The following CLDN2 variants were observed in gnomAD, a reference collection of about 807,000 sequenced individuals.
The protein encoded by CLDN2 is claudin-2.
Under a neutral mutation model 8.2 loss-of-function variants are expected in CLDN2, and 1 was observed. That is an observed-to-expected ratio of 0.12 (90% CI 0.04 to 0.58). CLDN2 has a LOEUF of 0.58. CLDN2 is among the 20% of genes least tolerant of loss of function. The probability of loss-of-function intolerance (pLI) is 0.90; values close to 1 mark genes in which losing one functional copy is unlikely to be tolerated. For missense variants in CLDN2, 108 were observed against 172.9 expected, an observed-to-expected ratio of 0.62 and a Z score of 2.11; for synonymous variants, 70 against 70.2, an observed-to-expected ratio of 1.00 and a Z score of 0.01.
intron 1 of CLDN2, chrX:106,903,216 T>A (rs1280002045): frequency 1.7e-6 from 2 of 1,209,493 alleles, no homozygotes; most frequent in African/African-American, 3.5e-5. Context: ...GGGCTTGTGC[T>A]AGGTCTGGAG....
intron 1 of CLDN2, among the ~76,000 whole-genome samples, chrX:106,910,512 C>A (rs1933235875): frequency 9.1e-6 from 1 of 109,515 alleles, no homozygotes; most frequent in East Asian, 2.9e-4. Flanking sequence ...GTTCAAGACC[C>A]TCCCGGTCAA....
intron 1 of CLDN2, among the ~76,000 whole-genome samples, chrX:106,902,731 G>T (rs1391570709): frequency 8.9e-6 from 1 of 111,965 alleles, no homozygotes; most frequent in African/African-American, 3.2e-5. Context: ...AAATCTTATG[G>T]CGTGGTCAGG....
intron 1 of CLDN2, chrX:106,903,246 T>A (rs1386599406): frequency 8.3e-7 from 1 of 1,209,757 alleles, no homozygotes; most frequent in Non-Finnish European, 1.1e-6. Flanking sequence ...AAGCCAGGGC[T>A]GGAACAGGGG....
chrX:106,926,787 TCACACACACACA>T (rs60711565), intron 1 of CLDN2, among the ~76,000 whole-genome samples: 2 of 2,111 alleles, frequency 9.5e-4, no homozygotes, highest in Non-Finnish European at 2.7e-3. Flanking sequence ...GGCAGGAGGA[TCACACACACACA>T]CACACACACA....
At chrX:106,918,310 C>A (rs927620472), upstream of CLDN2, 2 of 111,793 alleles carry the variant, frequency 1.8e-5, no homozygotes, top group African/African-American at 6.5e-5. Context: ...CCCTCCCACC[C>A]CTTCAGCCTT....
chrX:106,920,618 T>C (rs1933378055), intron 1 of CLDN2, 67 bp downstream of exon 1: 1 of 111,291 alleles, frequency 9.0e-6, no homozygotes. Flanking sequence ...TCTTCCTTCC[T>C]AGTCACTATC....
chrX:106,919,276 C>T (rs1204715503), upstream of CLDN2, among the ~76,000 whole-genome samples: 1 of 111,399 alleles, frequency 9.0e-6, no homozygotes, highest in Non-Finnish European at 1.9e-5. Context: ...TGGCTGGTGG[C>T]ATTATGAGGA....
chrX:106,906,008 G>A (rs1933174189), intron 1 of CLDN2, among the ~76,000 whole-genome samples: 1 of 112,088 alleles, frequency 8.9e-6, no homozygotes, highest in Non-Finnish European at 1.9e-5. Context: ...TTTAGCTTGT[G>A]GGACATGAAG....
At chrX:106,902,506 G>A (rs988166528) in intron 1 of CLDN2, among the ~76,000 whole-genome samples, 2 of 112,154 alleles carry the variant, frequency 1.8e-5, no homozygotes, top group Non-Finnish European at 3.8e-5. Flanking sequence ...ACAATGTCTG[G>A]TACACAGTAG....
chrX:106,928,800 G>A lies in CLDN2; in HGVS notation c.572G>A (p.Arg191His), dbSNP rs138227214. ...LCFSCSSQRN[R>H]SNYYDAYQAQ... ...TTTTCCTGCTCATCCCAGAGAAATC[G>A]CTCCAACTACTACGATGCCTACCAA... The change falls in exon 2 of 2, where the codon CGC (arginine) becomes CAC (histidine). Residue 191 changes from arginine (R) to histidine (H), a missense_variant. Physicochemically the swap from Arg to His is conservative, Grantham distance 29. This residue lies in a region of CLDN2 where 81 missense variants were observed against 100.8 expected (regional missense o/e 0.80). Transcript: ENST00000336803. 70 of 1,209,224 alleles carry A rather than the reference G, an allele frequency of 5.8e-5. No individual in the cohort carries two copies. In the African/African-American group the frequency reaches 6.5e-4, roughly 11 times the overall value.
chrX:106,912,485 C>T (rs762393930), intron 1 of CLDN2, among the ~76,000 whole-genome samples: 1 of 99,099 alleles, frequency 1.0e-5, no homozygotes, highest in South Asian at 5.1e-4. Flanking sequence ...GCCATCATGG[C>T]TCACTGCAGC....
chrX:106,903,235 A>G (rs1163656337), intron 1 of CLDN2: 3 of 1,210,404 alleles, frequency 2.5e-6, no homozygotes. Context: ...AGCTAGGGCC[A>G]AAGCCAGGGC....
chrX:106,910,907 G>C (rs1933240443), intron 1 of CLDN2, among the ~76,000 whole-genome samples: 1 of 111,801 alleles, frequency 8.9e-6, no homozygotes, highest in Non-Finnish European at 1.9e-5. Context: ...CTTGGGTGTG[G>C]GGGAAAAATA....
chrX:106,907,744 TAATAAA>T (rs1381915262), intron 1 of CLDN2, among the ~76,000 whole-genome samples: 2 of 104,304 alleles, frequency 1.9e-5, no homozygotes, highest in South Asian at 8.1e-4. Context: ...ATAATAATAA[TAATAAA>T]GGACTCTCCT....
rs1266588979 is a variant in CLDN2 at position 106,930,595 on chromosome X, G to A, written c.*1674G>A. 8.2e-6 allele frequency: 1 copy of A among 122,517 alleles called. No homozygotes were observed. The highest frequency in any genetic ancestry group is 1.9e-5 in the Non-Finnish European group (1 of 53,002). The allele number at this position is 122,517 out of a possible 1,213,427, so 10.1% of individuals were successfully genotyped here. A position where few individuals can be genotyped will look rare whatever the true frequency, so the allele number is the denominator to read the frequency against. ...CTCAGGCTTGGAGAACTTCCTCAGC[G>A]TCACCTCCTTCATTGAGCCTTCTCT... On this transcript the variant is annotated 3_prime_UTR_variant, in exon 2 of 2. Transcript: ENST00000336803.
rs186900465 is a variant in CLDN2, at chrX:106,900,556, G to T, written c.-179+52G>T. The stretch of plus-strand genomic sequence containing the variant: ...GATGACCCAATTTTCAGTCCAGAAA[G>T]CTCTATCTGCTGGACTAATACTTCC... On this transcript the variant is annotated intron_variant, in intron 1 of 1. Transcript: ENST00000541806. 9.2e-6 allele frequency: 7 copies of T among 760,104 alleles called. No individual in the cohort carries two copies. The Admixed American group carries it at 2.9e-4, about 32-fold the overall frequency. 62.6% of individuals were successfully genotyped at this position (760,104 alleles called of 1,213,427 possible).
intron 1 of CLDN2, among the ~76,000 whole-genome samples, chrX:106,902,782 G>C (rs1426130676): frequency 8.9e-6 from 1 of 112,028 alleles, no homozygotes; most frequent in African/African-American, 3.2e-5. Flanking sequence ...TTAGACTTTG[G>C]TCCTCTTTCC....
upstream of CLDN2, among the ~76,000 whole-genome samples, chrX:106,916,692 T>C (rs1286075461): frequency 9.0e-6 from 1 of 111,147 alleles, no homozygotes; most frequent in Non-Finnish European, 1.9e-5. Context: ...GCTTAAACAA[T>C]TGGCTTTCTC....
At chrX:106,917,643 C>G (rs1480004353), upstream of CLDN2, among the ~76,000 whole-genome samples, 1 of 111,003 alleles carries the variant, frequency 9.0e-6, no homozygotes, top group Non-Finnish European at 1.9e-5. Flanking sequence ...CCTCCCTGCC[C>G]TTCAAGACCT....
Sources: gnomAD v4.1 joint callset for allele counts (sites outside exome capture counted in the v4.1 genomes callset) on GRCh38, gnomAD v4.1.1 for gene constraint, gnomAD v4.1.1 regional missense constraint, MANE v1.5 for transcripts, NCBI Gene and HGNC (gene_info 2026-07-23, HGNC 2026-07-21) for gene names.